The following GPR39 variants were observed in gnomAD, a reference collection of about 807,000 sequenced individuals.
The protein encoded by GPR39 is G protein-coupled receptor 39.
Under a neutral mutation model 18.4 loss-of-function variants are expected in GPR39, and 23 were observed. That is an observed-to-expected ratio of 1.25 (90% CI 0.90 to 1.77). The LOEUF is 1.77. GPR39 is among the 40% of genes most tolerant of loss of function. GPR39 has a pLI of 0.00. For synonymous variants in GPR39, 280 were observed against 257.9 expected, an observed-to-expected ratio of 1.09 and a Z score of -0.82; for missense variants, 647 against 602.4, an observed-to-expected ratio of 1.07 and a Z score of -0.78.
intron 1 of GPR39, among the ~76,000 whole-genome samples, chr2:132,554,451 G>T (rs1680107617): frequency 6.6e-6 from 1 of 152,156 alleles, no homozygotes; most frequent in Admixed American, 6.5e-5. Context: ...AGGAAAATGG[G>T]ATGCTCATGA....
At chr2:132,623,387 G>C (rs1681481335) in intron 1 of GPR39, among the ~76,000 whole-genome samples, 1 of 152,164 alleles carries the variant, frequency 6.6e-6, no homozygotes, top group African/African-American at 2.4e-5. Flanking sequence ...CTGTGGCCAG[G>C]GGCGCCTGAA....
chr2:132,620,660 C>T (rs1681425689), intron 1 of GPR39, among the ~76,000 whole-genome samples: 1 of 152,314 alleles, frequency 6.6e-6, no homozygotes, highest in Admixed American at 6.5e-5. Flanking sequence ...CTAGGTTTGC[C>T]CAGACACTTC....
At chr2:132,530,077 C>T (rs898137022) in intron 1 of GPR39, among the ~76,000 whole-genome samples, 2 of 151,826 alleles carry the variant, frequency 1.3e-5, no homozygotes, top group African/African-American at 2.4e-5. Flanking sequence ...GAAGTTCGAA[C>T]CAATGGCAAA....
At chr2:132,621,536 A>G (rs1051148511) in intron 1 of GPR39, among the ~76,000 whole-genome samples, 3 of 152,180 alleles carry the variant, frequency 2.0e-5, no homozygotes, top group Non-Finnish European at 1.5e-5. Flanking sequence ...TCTCTGTGGG[A>G]GAGTCAGTGC....
At chr2:132,528,880 CT>C (rs1347046967) in intron 1 of GPR39, among the ~76,000 whole-genome samples, 6 of 152,066 alleles carry the variant, frequency 3.9e-5, no homozygotes, top group African/African-American at 1.4e-4. Flanking sequence ...CAAATCAATC[CT>C]GGGGGTGGAG....
intron 1 of GPR39, among the ~76,000 whole-genome samples, chr2:132,533,100 T>C (rs1187055393): frequency 1.3e-5 from 2 of 152,094 alleles, no homozygotes; most frequent in Admixed American, 1.3e-4. Flanking sequence ...GAAAACCCCA[T>C]CGTCTCAGCC....
chr2:132,475,348 T>C (rs1681105978), intron 1 of GPR39, among the ~76,000 whole-genome samples: 1 of 151,770 alleles, frequency 6.6e-6, no homozygotes, highest in African/African-American at 2.4e-5. Flanking sequence ...TCACTGTGCA[T>C]GCATGCTGGC....
chr2:132,521,865 C>T (rs1421573003), intron 1 of GPR39, among the ~76,000 whole-genome samples: 1 of 152,152 alleles, frequency 6.6e-6, no homozygotes, highest in Non-Finnish European at 1.5e-5. Flanking sequence ...GTTTCCTTTT[C>T]TGTGTATGTC....
intron 1 of GPR39, among the ~76,000 whole-genome samples, chr2:132,473,561 A>G (rs1681071105): frequency 6.6e-6 from 1 of 152,132 alleles, no homozygotes; most frequent in African/African-American, 2.4e-5. Context: ...TGGATATTGA[A>G]AAAAAAAGCA....
intron 1 of GPR39, among the ~76,000 whole-genome samples, chr2:132,448,791 A>T (rs546190817): frequency 4.6e-5 from 7 of 152,300 alleles, no homozygotes; most frequent in African/African-American, 1.7e-4. Context: ...ACTTCTAAGT[A>T]TACTGTAAGA....
chr2:132,555,498 G>T (rs1404675356), intron 1 of GPR39, among the ~76,000 whole-genome samples: 1 of 152,136 alleles, frequency 6.6e-6, no homozygotes, highest in African/African-American at 2.4e-5. Flanking sequence ...TGGTGCTGGG[G>T]CTACTGGTGT....
chr2:132,457,400 T>A (rs1390451299), intron 1 of GPR39, among the ~76,000 whole-genome samples: 1 of 152,228 alleles, frequency 6.6e-6, no homozygotes, highest in African/African-American at 2.4e-5. Flanking sequence ...TTAAGGTTTT[T>A]AGCTTCCTTG....
intron 1 of GPR39, among the ~76,000 whole-genome samples, chr2:132,556,134 G>T (rs1680147759): frequency 6.6e-6 from 1 of 152,116 alleles, no homozygotes; most frequent in African/African-American, 2.4e-5. Context: ...TTGCTTCAAT[G>T]CAAATACATC....
At chr2:132,644,948 G>A in intron 1 of GPR39, 153 bp from the exon 2 acceptor site, 1 of 795,326 alleles carries the variant, frequency 1.3e-6, no homozygotes, top group Non-Finnish European at 1.9e-6. Flanking sequence ...GGCAAAAGAA[G>A]CTGTCAAGTC....
intron 1 of GPR39, among the ~76,000 whole-genome samples, chr2:132,590,383 A>G (rs1029577077): frequency 1.3e-5 from 2 of 152,150 alleles, no homozygotes; most frequent in South Asian, 4.1e-4. Context: ...GATGATGGCT[A>G]GGTCCTCAGA....
intron 1 of GPR39, among the ~76,000 whole-genome samples, chr2:132,545,931 T>C (rs1679940478): frequency 6.6e-6 from 1 of 152,156 alleles, no homozygotes; most frequent in South Asian, 2.1e-4. Context: ...GAGGACATGA[T>C]TGAGTTGTCC....
chr2:132,561,157 A>G (rs1365454732), intron 1 of GPR39, among the ~76,000 whole-genome samples: 3 of 151,462 alleles, frequency 2.0e-5, no homozygotes, highest in Non-Finnish European at 4.4e-5. Flanking sequence ...TGACCTCATG[A>G]TCCACCCGCC....
chr2:132,535,596 C>T (rs1679740737), intron 1 of GPR39, among the ~76,000 whole-genome samples: 1 of 151,998 alleles, frequency 6.6e-6, no homozygotes, highest in Non-Finnish European at 1.5e-5. Context: ...AGGGAGGAGT[C>T]CCTCCTTTTC....
intron 1 of GPR39, among the ~76,000 whole-genome samples, chr2:132,625,731 CTA>C (rs1482417555): frequency 6.6e-6 from 1 of 152,186 alleles, no homozygotes; most frequent in Non-Finnish European, 1.5e-5. Context: ...ACTCTGTTTT[CTA>C]TATGTCTGTG....
Sources: allele counts gnomAD v4.1 joint callset (sites outside exome capture counted in the v4.1 genomes callset), GRCh38; gene constraint gnomAD v4.1.1; transcripts MANE v1.5; gene names NCBI Gene and HGNC (gene_info 2026-07-23, HGNC 2026-07-21).